Variants in CELF4 observed in about 807,000 individuals in gnomAD.
The protein encoded by CELF4 is CUG-BP- and ETR-3-like factor 4.
Under a neutral mutation model 59.9 loss-of-function variants are expected in CELF4, and 18 were observed. The ratio of observed to expected loss-of-function variants is 0.30; its 90% confidence interval spans 0.21 to 0.45. The LOEUF (loss-of-function observed/expected upper bound fraction) is 0.45. Among genes scored for constraint, CELF4 ranks in the 20% least tolerant of loss-of-function variants. CELF4 has a pLI of 1.00. For synonymous variants in CELF4, 261 were observed against 267.1 expected (o/e 0.98, Z 0.22); for missense variants, 456 against 689.0 (o/e 0.66, Z 3.79).
chr18:37,287,139 G>A (rs1408707266), intron 3 of CELF4, among the ~76,000 whole-genome samples: 1 of 152,176 alleles, frequency 6.6e-6, no homozygotes, highest in East Asian at 1.9e-4. Flanking sequence ...CCGAGATACG[G>A]ATTTGAGGGA....
intron 12 of CELF4, among the ~76,000 whole-genome samples, chr18:37,247,775 C>T (rs1450262007): frequency 5.9e-5 from 9 of 152,156 alleles, no homozygotes; most frequent in South Asian, 2.1e-4. Context: ...GGGGCATGGG[C>T]GGTTTGGCAA....
intron 1 of CELF4, among the ~76,000 whole-genome samples, chr18:37,530,444 G>A (rs1448543251): frequency 6.6e-6 from 1 of 152,122 alleles, no homozygotes; most frequent in Non-Finnish European, 1.5e-5. Context: ...AGTCTCTGTG[G>A]CCCTAGGGGA....
chr18:37,295,954 A>T (rs111671566), intron 3 of CELF4, among the ~76,000 whole-genome samples: 2 of 152,280 alleles, frequency 1.3e-5, no homozygotes, highest in African/African-American at 2.4e-5. Context: ...AGATTGGTGC[A>T]TCCCACTCAG....
In CELF4 at chr18:37,388,613, C is replaced by T. The variant is rs562673926; in HGVS notation, c.370-66732G>A. ...TGAGCTCAAGACAGCAGCAAACACC[C>T]TTCTAGGTCTGCTGCTGTCATTCAT... is the stretch of plus-strand genomic sequence containing the variant. On this transcript the variant is annotated intron_variant, in intron 2 of 12. Transcript: ENST00000420428. Among the ~76,000 whole-genome samples, 3 of 152,290 alleles carry T rather than the reference C, an allele frequency of 2.0e-5. No homozygotes were observed. In the South Asian group the frequency reaches 6.2e-4, roughly 32 times the overall value.
At chr18:37,414,076 C>G (rs1019430413) in intron 2 of CELF4, among the ~76,000 whole-genome samples, 5 of 152,188 alleles carry the variant, frequency 3.3e-5, no homozygotes, top group African/African-American at 1.2e-4. Flanking sequence ...TTTCTGCTTT[C>G]CAACCTGACA....
intron 1 of CELF4, among the ~76,000 whole-genome samples, chr18:37,539,562 G>A (rs1432790584): frequency 6.6e-6 from 1 of 152,204 alleles, no homozygotes; most frequent in Non-Finnish European, 1.5e-5. Flanking sequence ...CTGTGCGTGT[G>A]TGAACATTCC....
At chr18:37,432,153 A>G (rs1249031045) in intron 2 of CELF4, among the ~76,000 whole-genome samples, 1 of 152,188 alleles carries the variant, frequency 6.6e-6, no homozygotes, top group Non-Finnish European at 1.5e-5. Flanking sequence ...TAGCCTCCAG[A>G]TCAAACACAC....
intron 1 of CELF4, among the ~76,000 whole-genome samples, chr18:37,492,809 C>G (rs1378770991): frequency 2.6e-5 from 4 of 152,134 alleles, no homozygotes; most frequent in Admixed American, 2.6e-4. Flanking sequence ...TGGCCTGCCT[C>G]AAGGATGAGC....
intron 2 of CELF4, among the ~76,000 whole-genome samples, chr18:37,326,806 G>T (rs1045341327): frequency 6.6e-6 from 1 of 152,060 alleles, no homozygotes; most frequent in African/African-American, 2.4e-5. Context: ...TTCCTCTTCC[G>T]CTCAGGCTCT....
At chr18:37,356,291 A>C (rs1489185839) in intron 2 of CELF4, among the ~76,000 whole-genome samples, 1 of 152,226 alleles carries the variant, frequency 6.6e-6, no homozygotes, top group Non-Finnish European at 1.5e-5. Flanking sequence ...AACTTGATTT[A>C]ATAAAGACAC....
At chr18:37,313,720 C>T (rs1399505166) in intron 3 of CELF4, among the ~76,000 whole-genome samples, 1 of 152,132 alleles carries the variant, frequency 6.6e-6, no homozygotes, top group East Asian at 1.9e-4. Context: ...AAATAATGCT[C>T]GGAGGAGTAA....
intron 1 of CELF4, among the ~76,000 whole-genome samples, chr18:37,560,691 T>C (rs967557854): frequency 5.3e-5 from 8 of 152,198 alleles, no homozygotes; most frequent in Non-Finnish European, 1.2e-4. Context: ...TTCATCTTAA[T>C]TGAGCTCATG....
At position 37,336,180 on chromosome 18, in the gene CELF4, C is replaced by A. The variant is rs570882728; in HGVS notation, c.370-14299G>T. Among the ~76,000 whole-genome samples, 40 of 152,324 alleles carry A rather than the reference C, an allele frequency of 2.6e-4. No homozygotes were observed. The South Asian group carries it at 4.4e-3, about 17-fold the overall frequency. On this transcript the variant is annotated intron_variant, in intron 2 of 12. Coordinates refer to ENST00000420428, the MANE Select transcript of CELF4 (RefSeq NM_020180.4). Reference sequence around the variant, plus strand: ...GCCTCGCTCAGGGAGGGCTCACAGCCAGAATGCGCCCCTCACGGCTGTGGT... The same window carrying A: ...GCCTCGCTCAGGGAGGGCTCACAGCAAGAATGCGCCCCTCACGGCTGTGGT...
At chr18:37,517,072 G>A (rs1484671861) in intron 1 of CELF4, among the ~76,000 whole-genome samples, 2 of 152,202 alleles carry the variant, frequency 1.3e-5, no homozygotes, top group Non-Finnish European at 2.9e-5. Flanking sequence ...ACAGGGATGG[G>A]TGAGGCAACT....
Position 37,243,186 on chromosome 18 carries a change from C to CTTTTTTTTTTTTTTTTT in CELF4, c.*2039_*2055dup, listed in dbSNP as rs561464294. ...TGTTTTCTTTTTTTTTTCTTTTTTT[C>CTTTTTTTTTTTTTTTTT]TTTTTTTTTTTTTTTTTTTTACATC... On this transcript the variant is annotated 3_prime_UTR_variant, in exon 13 of 13. Coordinates refer to ENST00000420428, the MANE Select transcript of CELF4 (RefSeq NM_020180.4). The CTTTTTTTTTTTTTTTTT allele has an allele frequency of 8.9e-5, 9 of 100,574 alleles. No homozygotes were observed. Among genetic ancestry groups the CTTTTTTTTTTTTTTTTT allele is most frequent in the African/African-American group, 1.2e-4 (3 of 24,178 alleles). The allele number at this position is 100,574 out of a possible 1,614,324, so 6.2% of individuals were successfully genotyped here. A position where few individuals can be genotyped will look rare whatever the true frequency, so the allele number is the denominator to read the frequency against.
At chr18:37,542,639 T>TAG (rs1376537568) in intron 1 of CELF4, among the ~76,000 whole-genome samples, 1 of 152,196 alleles carries the variant, frequency 6.6e-6, no homozygotes. Flanking sequence ...TTAAATGAGA[T>TAG]AGCACATTAG....
chr18:37,520,743 T>C (rs1025289995), intron 1 of CELF4, among the ~76,000 whole-genome samples: 4 of 152,180 alleles, frequency 2.6e-5, no homozygotes, highest in Non-Finnish European at 5.9e-5. Context: ...TATCCCTTCT[T>C]ACCCAGAGGG....
At chr18:37,555,842 G>A (rs1194378512) in intron 1 of CELF4, among the ~76,000 whole-genome samples, 4 of 152,164 alleles carry the variant, frequency 2.6e-5, no homozygotes, top group African/African-American at 9.7e-5. Flanking sequence ...ATGAACTGGT[G>A]TGGGTACCAT....
In CELF4 at chr18:37,290,563, G is replaced by A. The variant is rs370578121; in HGVS notation, c.449-15320C>T. ...GGGAGCTTGAGCAGGAGAAAGTGCC[G>A]CAGCTGAATTCCAGGCCTAGCGCAT... On this transcript the variant is annotated intron_variant, in intron 3 of 12. Coordinates refer to ENST00000420428, the MANE Select transcript of CELF4 (RefSeq NM_020180.4). 2.6e-5 allele frequency among the ~76,000 whole-genome samples: 4 copies of A among 152,160 alleles called. No homozygotes were observed. The East Asian group carries it at 5.8e-4, about 22-fold the overall frequency.
Sources: gnomAD v4.1 joint callset for allele counts (sites outside exome capture counted in the v4.1 genomes callset) on GRCh38, gnomAD v4.1.1 for gene constraint, MANE v1.5 for transcripts, NCBI Gene and HGNC (gene_info 2026-07-23, HGNC 2026-07-21) for gene names.